Variants in ADAM12 observed in about 807,000 individuals in gnomAD.
The protein encoded by ADAM12 is disintegrin and metalloproteinase domain-containing protein 12.
ADAM12 carries 70 observed loss-of-function variants against 106.4 expected under a neutral mutation model. That is an observed-to-expected ratio of 0.66 (90% CI 0.54 to 0.80). The LOEUF is 0.80. Among genes scored for constraint, ADAM12 ranks in the 30% least tolerant of loss-of-function variants. ADAM12 has a pLI of 0.00. For missense variants in ADAM12, 1,010 were observed against 1,171.9 expected (o/e 0.86, Z 2.02); for synonymous variants, 420 against 433.5 (o/e 0.97, Z 0.39).
At chr10:126,220,019 G>A (rs570057259) in intron 3 of ADAM12, among the ~76,000 whole-genome samples, 2 of 152,146 alleles carry the variant, frequency 1.3e-5, no homozygotes, top group Non-Finnish European at 2.9e-5. Flanking sequence ...GCAGCTCCTC[G>A]CCGTACCAAG....
intron 1 of ADAM12, among the ~76,000 whole-genome samples, chr10:126,374,563 G>A (rs1856213348): frequency 1.3e-5 from 2 of 152,138 alleles, no homozygotes; most frequent in South Asian, 4.2e-4. Context: ...TAAAGATATT[G>A]AAAAATGTGA....
chr10:126,218,808 T>C (rs138527046), intron 3 of ADAM12, among the ~76,000 whole-genome samples: 86 of 152,270 alleles, frequency 5.6e-4, no homozygotes, highest in African/African-American at 2.0e-3. Context: ...GGCATTAGGA[T>C]AAGAAGGGCA....
rs139714726 is a variant in ADAM12, at chr10:126,264,108, T to G, written c.260+14807A>C. ...TTGTTGATATGAATGTACAATACCA[T>G]CAAAACTTTAGTGAAAATATTAATG... is the stretch of plus-strand genomic sequence containing the variant. On this transcript the variant is annotated intron_variant, in intron 3 of 22. Transcript: ENST00000448723. 3.0e-4 allele frequency among the ~76,000 whole-genome samples: 45 copies of G among 152,360 alleles called. 1 individual carries two copies. The highest frequency in any genetic ancestry group is 1.1e-3 in the African/African-American group (44 of 41,576).
intron 3 of ADAM12, among the ~76,000 whole-genome samples, chr10:126,165,291 C>G (rs985452813): frequency 3.9e-5 from 6 of 152,190 alleles, no homozygotes; most frequent in Non-Finnish European, 1.5e-5. Flanking sequence ...CCTCAGCCTC[C>G]TGAGTAGCTG....
intron 3 of ADAM12, among the ~76,000 whole-genome samples, chr10:126,255,491 G>C (rs577960278): frequency 6.6e-5 from 10 of 152,030 alleles, no homozygotes; most frequent in African/African-American, 2.4e-4. Context: ...GGTCCAATAA[G>C]GCAGTTTAAA....
chr10:126,375,934 T>C (rs951571412), intron 1 of ADAM12, among the ~76,000 whole-genome samples: 4 of 149,360 alleles, frequency 2.7e-5, no homozygotes, highest in Middle Eastern at 3.2e-3. Flanking sequence ...AGAAATGGGG[T>C]GTCCTTATGT....
intron 2 of ADAM12, among the ~76,000 whole-genome samples, chr10:126,295,000 A>T (rs1458777524): frequency 6.6e-6 from 1 of 152,036 alleles, no homozygotes; most frequent in Non-Finnish European, 1.5e-5. Context: ...AAATCCAAAA[A>T]CTGTTACATG....
At chr10:126,058,622 A>T (rs1178692020) in intron 14 of ADAM12, among the ~76,000 whole-genome samples, 1 of 152,194 alleles carries the variant, frequency 6.6e-6, no homozygotes. Flanking sequence ...AGAAAACATC[A>T]TTAAAGGAAA....
At chr10:126,178,474 A>C (rs948914401) in intron 3 of ADAM12, among the ~76,000 whole-genome samples, 6 of 150,310 alleles carry the variant, frequency 4.0e-5, no homozygotes, top group African/African-American at 1.5e-4. Context: ...AGCAATTGAA[A>C]CATTACACAA....
intron 2 of ADAM12, among the ~76,000 whole-genome samples, chr10:126,287,288 ACT>A (rs1238568998): frequency 6.6e-6 from 1 of 152,014 alleles, no homozygotes; most frequent in East Asian, 1.9e-4. Context: ...AGACGACATT[ACT>A]CTGTTCCTTT....
intron 2 of ADAM12, 89 bp downstream of exon 2, chr10:126,330,323 G>A (rs1232757929): frequency 1.8e-6 from 2 of 1,118,936 alleles, no homozygotes; most frequent in Non-Finnish European, 2.6e-6. Context: ...AGTGAGTAGA[G>A]ACAACCCTTG....
intron 3 of ADAM12, among the ~76,000 whole-genome samples, chr10:126,211,824 G>T (rs1014794159): frequency 6.6e-6 from 1 of 152,232 alleles, no homozygotes; most frequent in Non-Finnish European, 1.5e-5. Flanking sequence ...GATGGATAAT[G>T]AAAACTATGC....
chr10:126,061,348 A>G (rs764041149), intron 14 of ADAM12, among the ~76,000 whole-genome samples: 2 of 152,222 alleles, frequency 1.3e-5, no homozygotes, highest in Non-Finnish European at 2.9e-5. Context: ...GGGTAGGTAG[A>G]TCACTATCCT....
chr10:126,094,019 C>T lies in ADAM12; in HGVS notation c.1111G>A (p.Glu371Lys), dbSNP rs1297792253. The change falls in exon 11 of 23, where the codon GAG (glutamate) becomes AAG (lysine). Residue 371 changes from glutamate (E) to lysine (K), a missense_variant. Glu to Lys is a moderately conservative substitution (Grantham distance 56, BLOSUM62 1). Around this residue, in one of 3 missense-constraint regions of ADAM12, gnomAD observed 615 missense variants for 708.5 expected, o/e 0.87. Transcript: ENST00000448723. ...DRGCSCQMAV[E>K]KGGCIMNAST... is the part of the protein sequence containing the mutation. ...GCGTTCATGATGCAGCCTCCTTTCT[C>T]AACCGCCATTTGACAGCTACAGCCC... The T allele has an allele frequency of 1.9e-6, 3 of 1,614,192 alleles. No individual in the cohort carries two copies. The highest frequency in any genetic ancestry group is 2.5e-6 in the Non-Finnish European group (3 of 1,180,046).
At chr10:126,190,432 C>T (rs532671488) in intron 3 of ADAM12, among the ~76,000 whole-genome samples, 2 of 152,222 alleles carry the variant, frequency 1.3e-5, no homozygotes, top group African/African-American at 4.8e-5. Context: ...TCTCAAACTC[C>T]TGACCTCAAG....
intron 11 of ADAM12, among the ~76,000 whole-genome samples, chr10:126,082,980 A>G (rs1955258763): frequency 6.6e-6 from 1 of 152,236 alleles, no homozygotes. Flanking sequence ...CACCACACAC[A>G]GAATTTATGT....
intron 3 of ADAM12, among the ~76,000 whole-genome samples, chr10:126,220,597 A>C (rs1413338062): frequency 6.6e-6 from 1 of 152,244 alleles, no homozygotes; most frequent in Admixed American, 6.5e-5. Context: ...ATGATTTTTT[A>C]ATCTGAAATT....
At position 126,101,271 on chromosome 10, in the gene ADAM12, A is replaced by G. The variant is rs376391836; in HGVS notation, c.742-30T>C. 3 of 1,603,136 alleles carry G rather than the reference A, an allele frequency of 1.9e-6. No individual in the cohort carries two copies. The African/African-American group carries it at 4.0e-5, about 21-fold the overall frequency. On this transcript the variant is annotated intron_variant, in intron 8 of 22. Transcript: ENST00000448723. ...GCAAAACAGGCAAAACTGGCATTGG[A>G]GTTGGGATCACGTTAATAAAAACTC...
At chr10:126,121,391 ATATATAATATATTGCATAT>A (rs1245489318) in intron 5 of ADAM12, among the ~76,000 whole-genome samples, 5 of 128,144 alleles carry the variant, frequency 3.9e-5, no homozygotes, top group African/African-American at 8.8e-5. Context: ...ATTATATGCA[ATATATAATATATTGCATAT>A]TATATAATAT....
Sources: gnomAD v4.1 joint callset for allele counts (sites outside exome capture counted in the v4.1 genomes callset) on GRCh38, gnomAD v4.1.1 for gene constraint, gnomAD v4.1.1 regional missense constraint, MANE v1.5 for transcripts, NCBI Gene and HGNC (gene_info 2026-07-23, HGNC 2026-07-21) for gene names.